PIEZO1: variants seen among roughly 807,000 people sequenced by gnomAD.
PIEZO1 encodes piezo type mechanosensitive ion channel component 1 (Er blood group).
PIEZO1 carries 296 observed loss-of-function variants against 297.2 expected under a neutral mutation model. The ratio of observed to expected loss-of-function variants is 1.00; its 90% confidence interval spans 0.91 to 1.10. The LOEUF (loss-of-function observed/expected upper bound fraction) is 1.10. Ranked by LOEUF, PIEZO1 falls within the 50% of genes least tolerant of loss-of-function variation. PIEZO1 has a pLI of 0.00. For missense variants in PIEZO1, 5,018 were observed against 3,455.5 expected, an observed-to-expected ratio of 1.45 and a Z score of -11.34; for synonymous variants, 2,427 against 1,507.5, an observed-to-expected ratio of 1.61 and a Z score of -14.13.
intron 1 of PIEZO1, 117 bp from the exon 2 acceptor site, chr16:88,749,596 G>T: frequency 1.4e-6 from 1 of 740,466 alleles, no homozygotes; most frequent in Non-Finnish European, 2.1e-6. Context: ...CCCTGTGAGT[G>T]CTGCCCTGAG....
chr16:88,774,319 A>G (rs1312005490), intron 1 of PIEZO1, among the ~76,000 whole-genome samples: 2 of 152,220 alleles, frequency 1.3e-5, no homozygotes, highest in Non-Finnish European at 2.9e-5. Flanking sequence ...TGAACCCGGG[A>G]GGCGGAGTTT....
At chr16:88,725,104 G>A (rs1243412050) in intron 29 of PIEZO1, 24 bp from the exon 30 acceptor site, 3 of 1,488,740 alleles carry the variant, frequency 2.0e-6, no homozygotes, top group African/African-American at 2.9e-5. Context: ...GGGTGAGCAT[G>A]AGGCAGCAGT....
intron 12 of PIEZO1, 115 bp downstream of exon 12, chr16:88,736,033 A>G: frequency 9.4e-7 from 1 of 1,058,330 alleles, no homozygotes; most frequent in Non-Finnish European, 1.3e-6. Flanking sequence ...GGACAGACAG[A>G]CACATCTGCC....
intron 40 of PIEZO1, 32 bp from the exon 41 acceptor site, chr16:88,720,564 T>TGGC: frequency 6.5e-7 from 1 of 1,542,106 alleles, no homozygotes; most frequent in Non-Finnish European, 8.8e-7. Flanking sequence ...CTGGGCCCAG[T>TGGC]ACCCGCCTCC....
chr16:88,737,020 T>G (rs1434431486), intron 10 of PIEZO1: 3 of 338,374 alleles, frequency 8.9e-6, no homozygotes, highest in Admixed American at 9.4e-5. Flanking sequence ...CTGAAGACTC[T>G]CAGGACCCCC....
chr16:88,748,061 C>T (rs1165134430), intron 2 of PIEZO1, among the ~76,000 whole-genome samples: 1 of 152,228 alleles, frequency 6.6e-6, no homozygotes, highest in African/African-American at 2.4e-5. Context: ...CACCCAAGAG[C>T]CTGTCTCCAC....
chr16:88,733,520 G>T, intron 18 of PIEZO1, 66 bp from the exon 19 acceptor site: 1 of 1,530,170 alleles, frequency 6.5e-7, no homozygotes, highest in Admixed American at 2.0e-5. Context: ...CTGGGCTTGG[G>T]GAGGCCAGCT....
chr16:88,733,137 G>A, intron 19 of PIEZO1, 141 bp downstream of exon 19: 1 of 751,128 alleles, frequency 1.3e-6, no homozygotes, highest in Non-Finnish European at 2.1e-6. Context: ...CCTCCAGGAA[G>A]CCCCCTTGGC....
intron 10 of PIEZO1, 37 bp downstream of exon 10, chr16:88,737,522 C>CCCG: frequency 7.0e-7 from 1 of 1,436,882 alleles, no homozygotes; most frequent in Non-Finnish European, 9.4e-7. Flanking sequence ...GCCCCGCCCC[C>CCCG]CGCACCCAGC....
In PIEZO1 at chr16:88,716,581, G is replaced by A. The variant is rs1016417537; in HGVS notation, c.6904C>T (p.Arg2302Cys). The change falls in exon 47 of 51, where the codon CGC becomes TGC. Residue 2302 changes from arginine (R) to cysteine (C), a missense_variant. By Grantham distance (180) the Arg-to-Cys change is radical. Transcript: ENST00000301015. Reference protein sequence around the residue: ...LYNGTADITLRFTWNFQRDLA... With the variant: ...LYNGTADITLCFTWNFQRDLA... Reference sequence around the variant, plus strand: ...AACCTCTGGAAGTTCCAGGTGAAGCGCAGGGTGATGTCGGCCGTGCCGTTG... The same window carrying A: ...AACCTCTGGAAGTTCCAGGTGAAGCACAGGGTGATGTCGGCCGTGCCGTTG... 27 of 1,546,136 alleles carry A rather than the reference G, an allele frequency of 1.7e-5. No individual in the cohort carries two copies. Among genetic ancestry groups the A allele is most frequent in the Middle Eastern group, 1.7e-4 (1 of 5,978 alleles).
intron 1 of PIEZO1, among the ~76,000 whole-genome samples, chr16:88,770,768 C>T (rs752283570): frequency 2.4e-4 from 37 of 152,356 alleles, no homozygotes; most frequent in Non-Finnish European, 3.4e-4. Flanking sequence ...CAGTCAGGTC[C>T]GGGCCAGGCG....
At chr16:88,747,019 T>C (rs1906097198) in intron 2 of PIEZO1, among the ~76,000 whole-genome samples, 1 of 152,144 alleles carries the variant, frequency 6.6e-6, no homozygotes, top group Non-Finnish European at 1.5e-5. Context: ...TCGGCCGCAC[T>C]GGGCCCCTCC....
intron 1 of PIEZO1, among the ~76,000 whole-genome samples, chr16:88,782,613 G>A (rs1597493428): frequency 6.6e-6 from 1 of 152,222 alleles, no homozygotes; most frequent in African/African-American, 2.4e-5. Context: ...ACCAGGCACT[G>A]TCTGAGCCAG....
At chr16:88,737,478 G>C (rs993219333) in intron 10 of PIEZO1, 81 bp downstream of exon 10, 1 of 958,274 alleles carries the variant, frequency 1.0e-6, no homozygotes, top group Admixed American at 2.5e-5. Context: ...ATGCGAGAGC[G>C]CCAGGCGGCC....
chr16:88,719,490 G>C, intron 44 of PIEZO1, 84 bp downstream of exon 44: 3 of 1,339,530 alleles, frequency 2.2e-6, no homozygotes, highest in Non-Finnish European at 3.1e-6. Context: ...CAGCACCACG[G>C]GTTCTCGTGG....
Position 88,719,576 on chromosome 16 carries a change from T to A in PIEZO1, c.6469A>T (p.Lys2157Ter). ...GCCCCCGCCCTGGGCCCAGGCACCT[T>A]CTCTGTCTCTCGGCTGCATTTGATG... ...FIIKCSRETE[K>*]KYPQPKGQKK... The change falls in exon 44 of 51, where the codon AAG becomes TAG. Residue 2157 changes from lysine to a stop codon, truncating the protein, a stop_gained and splice_region_variant. Transcript: ENST00000301015. LOFTEE classifies it high-confidence loss of function. The A allele has an allele frequency of 6.4e-7, 1 of 1,550,540 alleles. No individual in the cohort carries two copies. Among genetic ancestry groups the A allele is most frequent in the African/African-American group, 1.4e-5 (1 of 73,162 alleles).
chr16:88,734,854 C>G, intron 14 of PIEZO1, 21 bp downstream of exon 14: 3 of 1,550,250 alleles, frequency 1.9e-6, no homozygotes, highest in Non-Finnish European at 2.6e-6. Flanking sequence ...GCCCCAGCCC[C>G]CATCCCGGCC....
Position 88,722,824 on chromosome 16 carries a change from C to T in PIEZO1, c.4668+13G>A, listed in dbSNP as rs193077397. On this transcript the variant is annotated intron_variant, in intron 34 of 50. Coordinates refer to ENST00000301015, the MANE Select transcript of PIEZO1 (RefSeq NM_001142864.4). ...GCAGAGCAGGGACGAGCGTGGTGCA[C>T]GGGCAGGCTCACCTGCAGGAGCTCC... 5.5e-4 allele frequency: 846 copies of T among 1,542,572 alleles called. 2 individuals are homozygous for T. In the African/African-American group the frequency reaches 9.1e-3, roughly 17 times the overall value.
At position 88,721,281 on chromosome 16, in the gene PIEZO1, C is replaced by T. The variant is rs372984666; in HGVS notation, c.5553G>A (p.Thr1851=). 34 of 1,544,510 alleles carry T rather than the reference C, an allele frequency of 2.2e-5. No homozygotes were observed. Among genetic ancestry groups the T allele is most frequent in the Middle Eastern group, 3.3e-4 (2 of 6,010 alleles). ...HIQVEARVGP[T]DGTPEPQVEL... ...CCACTTGGGGTTCTGGGGTCCCGTC[C>T]GTGGGTCCGACCCTGGCTTCCACCT... Residue 1851 remains threonine (T), a synonymous_variant, in exon 39 of 51, where the codon ACG becomes ACA. Transcript: ENST00000301015.
Sources: allele counts gnomAD v4.1 joint callset (sites outside exome capture counted in the v4.1 genomes callset), GRCh38; gene constraint gnomAD v4.1.1; transcripts MANE v1.5; gene names NCBI Gene and HGNC (gene_info 2026-07-23, HGNC 2026-07-21).